The following FER1L5 variants were observed in gnomAD, a reference collection of about 807,000 sequenced individuals.
FER1L5 encodes the protein fer-1 like family member 5, also known as fer-1-like protein 5.
Under a neutral mutation model 279.9 loss-of-function variants are expected in FER1L5, and 187 were observed. That is an observed-to-expected ratio of 0.67 (90% CI 0.59 to 0.75). FER1L5 has a LOEUF of 0.75. FER1L5 is among the 30% of genes least tolerant of loss of function. The probability of loss-of-function intolerance (pLI) is 0.00; values close to 1 mark genes in which losing one functional copy is unlikely to be tolerated. For missense variants in FER1L5, 2,091 were observed against 2,594.4 expected (o/e 0.81, Z 4.21); for synonymous variants, 921 against 989.7 (o/e 0.93, Z 1.30).
chr2:96,656,265 T>C (rs983373525), intron 9 of FER1L5, among the ~76,000 whole-genome samples: 1 of 152,254 alleles, frequency 6.6e-6, no homozygotes, highest in Non-Finnish European at 1.5e-5. Flanking sequence ...ACTTTTATAA[T>C]TCCTAGGTAG....
rs1558939293 is a variant in FER1L5, at chr2:96,704,201, T to C, written c.5802-14T>C. The C allele has an allele frequency of 6.2e-7, 1 of 1,612,494 alleles. No homozygotes were observed. Among genetic ancestry groups the C allele is most frequent in the Non-Finnish European group, 8.5e-7 (1 of 1,179,350 alleles). On this transcript the variant is annotated splice_polypyrimidine_tract_variant and intron_variant, in intron 51 of 52. Coordinates refer to ENST00000624922, the MANE Select transcript of FER1L5 (RefSeq NM_001293083.2). ...TCCCTGCCATTCTCTGACATCTCCCTGGCTCCTGGACAGACGCACCAACAC... is the reference window on the plus strand; with the variant it reads ...TCCCTGCCATTCTCTGACATCTCCCCGGCTCCTGGACAGACGCACCAACAC...
Position 96,673,215 on chromosome 2 carries a change from C to T in FER1L5, c.1630C>T (p.Leu544=). Residue 544 remains leucine, a synonymous_variant, in exon 19 of 53, where the codon CTA becomes TTA. Transcript: ENST00000624922. ...CAAGATGGACCTGAATTACAAGCCT[C>T]TAGTCTCAAGCACACCGTACAGCCC... ...GNKMDLNYKP[L]VSSTPYSPVI... is the part of the protein sequence containing the mutation. 1 of 1,551,550 alleles carries T rather than the reference C, an allele frequency of 6.4e-7. No homozygotes were observed. Among genetic ancestry groups the T allele is most frequent in the Non-Finnish European group, 8.7e-7 (1 of 1,146,946 alleles).
intron 19 of FER1L5, among the ~76,000 whole-genome samples, chr2:96,683,297 G>A (rs770786379): frequency 1.3e-4 from 20 of 152,138 alleles, no homozygotes; most frequent in Non-Finnish European, 1.9e-4. Context: ...GGAGAATCTG[G>A]CCATTGGTTT....
chr2:96,647,032 G>C (rs1179785813), intron 2 of FER1L5, 32 bp from the exon 3 acceptor site: 1 of 1,540,302 alleles, frequency 6.5e-7, no homozygotes, highest in Non-Finnish European at 8.8e-7. Flanking sequence ...AAGGGCAGAG[G>C]GAGGATGCTG....
intron 37 of FER1L5, 111 bp downstream of exon 37, chr2:96,696,188 G>A (rs2077371905): frequency 1.8e-5 from 25 of 1,394,402 alleles, no homozygotes; most frequent in Non-Finnish European, 2.5e-5. Context: ...CCAACTGTGA[G>A]GCCCACCTCG....
intron 6 of FER1L5, among the ~76,000 whole-genome samples, chr2:96,650,733 T>G (rs1189468376): frequency 6.6e-6 from 1 of 152,180 alleles, no homozygotes; most frequent in Non-Finnish European, 1.5e-5. Flanking sequence ...CCATGGCTTA[T>G]CAACTTCCCT....
intron 5 of FER1L5, 123 bp downstream of exon 5, chr2:96,649,800 G>A: frequency 1.0e-6 from 1 of 960,346 alleles, no homozygotes; most frequent in Non-Finnish European, 1.6e-6. Context: ...ATGTGACCAG[G>A]CTAGGGTCCC....
Position 96,699,978 on chromosome 2 carries a change from C to A in FER1L5, c.4828C>A (p.Leu1610Ile). Residue 1610 changes from leucine to isoleucine, a missense_variant, in exon 44 of 53, where the codon CTA becomes ATA. By Grantham distance (5) the Leu-to-Ile change is conservative. Coordinates refer to ENST00000624922, the MANE Select transcript of FER1L5 (RefSeq NM_001293083.2). ...WRDQMPPSYL[L>I]ERYAKRKGLP... ...GGATCAGATGCCCCCAAGCTACCTCCTAGAACGCTATGCCAAGCGGAAAGG... is the reference window on the plus strand; with the variant it reads ...GGATCAGATGCCCCCAAGCTACCTCATAGAACGCTATGCCAAGCGGAAAGG... The A allele has an allele frequency of 6.2e-7, 1 of 1,613,922 alleles. No homozygotes were observed. The highest frequency in any genetic ancestry group is 1.1e-5 in the South Asian group (1 of 91,086).
chr2:96,688,001 G>T, intron 24 of FER1L5, 54 bp downstream of exon 24: 1 of 1,543,718 alleles, frequency 6.5e-7, no homozygotes, highest in East Asian at 2.5e-5. Flanking sequence ...GGTGGGGGTA[G>T]GGTGGCCTCG....
intron 9 of FER1L5, 107 bp from the exon 10 acceptor site, chr2:96,660,234 G>C (rs1324080864): frequency 4.4e-6 from 5 of 1,127,760 alleles, no homozygotes; most frequent in Non-Finnish European, 6.6e-6. Flanking sequence ...AGTTAGGGCA[G>C]AGAACATACT....
Position 96,704,284 on chromosome 2 carries a change from C to T in FER1L5, c.5871C>T (p.Arg1957=), listed in dbSNP as rs751372844. 1.9e-6 allele frequency: 3 copies of T among 1,613,918 alleles called. No individual in the cohort carries two copies. In the Admixed American group the frequency reaches 5.0e-5, roughly 27 times the overall value. Residue 1957 remains arginine (R), a synonymous_variant, in exon 52 of 53, where the codon CGC becomes CGT. Coordinates refer to ENST00000624922, the MANE Select transcript of FER1L5 (RefSeq NM_001293083.2). ...ACTTCTGCTATATTTTCTGGAAACG[C>T]TATCGCTTCAAACTCATAGCCTTTA... ...VQNFCYIFWK[R]YRFKLIAFMV... is the part of the protein sequence containing the mutation.
In FER1L5 at chr2:96,694,039, C is replaced by G; in HGVS notation, c.3603C>G (p.Ile1201Met). Residue 1201 changes from isoleucine to methionine, a missense_variant, in exon 33 of 53, where the codon ATC becomes ATG. Physicochemically the swap from Ile to Met is conservative, Grantham distance 10. Transcript: ENST00000624922. This position sits in a 1 kb window ranked among gnomAD's most constrained non-coding sequence, Gnocchi z 4.6. ...VKELGKEEGE[I>M]LASCELILQT... is the part of the protein sequence containing the mutation. Reference sequence around the variant, plus strand: ...AGTTGGGGAAGGAAGAGGGCGAGATCTTGGCATCCTGTGAGCTGATCCTCC... The same window carrying G: ...AGTTGGGGAAGGAAGAGGGCGAGATGTTGGCATCCTGTGAGCTGATCCTCC... The G allele has an allele frequency of 1.3e-6, 2 of 1,546,800 alleles. No individual in the cohort carries two copies. Among genetic ancestry groups the G allele is most frequent in the Non-Finnish European group, 1.7e-6 (2 of 1,146,928 alleles).
At position 96,699,527 on chromosome 2, in the gene FER1L5, A is replaced by T. The variant is rs768739796; in HGVS notation, c.4611-23A>T. Reference sequence around the variant, plus strand: ...CAGAGACATTGCCCACATCCTCTGCAGTCTCCAACACCTCACCCCTAGGAT... The same window carrying T: ...CAGAGACATTGCCCACATCCTCTGCTGTCTCCAACACCTCACCCCTAGGAT... On this transcript the variant is annotated intron_variant, in intron 42 of 52. Coordinates refer to ENST00000624922, the MANE Select transcript of FER1L5 (RefSeq NM_001293083.2). 8.7e-6 allele frequency: 14 copies of T among 1,604,466 alleles called. No individual in the cohort carries two copies. In the South Asian group the frequency reaches 1.0e-4, roughly 11 times the overall value.
At chr2:96,659,404 T>TCCTTCCTTC (rs2075809517) in intron 9 of FER1L5, among the ~76,000 whole-genome samples, 5 of 5,684 alleles carry the variant, frequency 8.8e-4, no homozygotes, top group Admixed American at 2.7e-3. Context: ...TTTCTTTCTT[T>TCCTTCCTTC]CTTTCTTTCT....
Position 96,689,519 on chromosome 2 carries a change from C to A in FER1L5, c.2526-125C>A. On this transcript the variant is annotated intron_variant, in intron 25 of 52. Coordinates refer to ENST00000624922, the MANE Select transcript of FER1L5 (RefSeq NM_001293083.2). This position sits in a 1 kb window ranked among gnomAD's most constrained non-coding sequence, Gnocchi z 4.6. ...GCACCAGGCCAAGGGCCCTGCCCAC[C>A]ACCCTGTCCTGCCCAGAGCAGGTGG... 8.3e-6 allele frequency: 12 copies of A among 1,441,484 alleles called. No homozygotes were observed. The highest frequency in any genetic ancestry group is 1.1e-5 in the Non-Finnish European group (12 of 1,053,820). The allele number at this position is 1,441,484 out of a possible 1,614,324, so 89.3% of individuals were successfully genotyped here. A position where few individuals can be genotyped will look rare whatever the true frequency, so the allele number is the denominator to read the frequency against.
chr2:96,677,176 A>C (rs1001643774), intron 19 of FER1L5, among the ~76,000 whole-genome samples: 5 of 152,200 alleles, frequency 3.3e-5, no homozygotes, highest in Admixed American at 3.3e-4. Flanking sequence ...TGGCTTGCTA[A>C]TATTTTGTTG....
intron 14 of FER1L5, among the ~76,000 whole-genome samples, chr2:96,665,912 C>A (rs1318938829): frequency 6.6e-6 from 1 of 152,014 alleles, no homozygotes; most frequent in African/African-American, 2.4e-5. Flanking sequence ...AGGCTCAGAA[C>A]CAATGGCACA....
rs2076393292 is a variant in FER1L5 at position 96,673,260 on chromosome 2, T to A, written c.1669+6T>A. On this transcript the variant is annotated splice_donor_region_variant and intron_variant, in intron 19 of 52. Transcript: ENST00000624922. ...CAGCCCAGTGATATATGATGGTAAT[T>A]GTCAGATTCAGGCAATAAGTAGAGA... 1 of 1,546,444 alleles carries A rather than the reference T, an allele frequency of 6.5e-7. No individual in the cohort carries two copies. Among genetic ancestry groups the A allele is most frequent in the Non-Finnish European group, 8.8e-7 (1 of 1,142,648 alleles).
intron 4 of FER1L5, among the ~76,000 whole-genome samples, chr2:96,648,880 T>A (rs2106430225): frequency 6.6e-6 from 1 of 152,364 alleles, no homozygotes; most frequent in Middle Eastern, 3.4e-3. Context: ...TGTGATCCCA[T>A]CATAAAGTCA....
Sources: allele counts gnomAD v4.1 joint callset (sites outside exome capture counted in the v4.1 genomes callset), GRCh38; gene constraint gnomAD v4.1.1; non-coding constraint Gnocchi (gnomAD v3.1); transcripts MANE v1.5; gene names NCBI Gene and HGNC (gene_info 2026-07-23, HGNC 2026-07-21).